TYW1B: variants seen among roughly 807,000 people sequenced by gnomAD.
The protein encoded by TYW1B is S-adenosyl-L-methionine-dependent tRNA 4-demethylwyosine synthase TYW1B.
Under a neutral mutation model 86.9 loss-of-function variants are expected in TYW1B, and 73 were observed. The observed-to-expected ratio is 0.84, with a 90% CI of 0.70 to 1.02. The LOEUF (loss-of-function observed/expected upper bound fraction) is 1.02, where lower values mean the gene tolerates loss of function less well. Among genes scored for constraint, TYW1B ranks in the 50% least tolerant of loss-of-function variants. The pLI is 0.00. For missense variants in TYW1B, 637 were observed against 827.4 expected, an observed-to-expected ratio of 0.77 and a Z score of 2.82; for synonymous variants, 248 against 292.8, an observed-to-expected ratio of 0.85 and a Z score of 1.56.
intron 5 of TYW1B, among the ~76,000 whole-genome samples, chr7:72,806,778 G>A (rs1182601983): frequency 2.0e-5 from 3 of 151,822 alleles, no homozygotes; most frequent in Non-Finnish European, 4.4e-5. Context: ...CACCTCCTAC[G>A]TAGCTGAGAC....
intron 11 of TYW1B, among the ~76,000 whole-genome samples, chr7:72,693,313 T>C (rs1174497767): frequency 6.6e-6 from 1 of 151,982 alleles, no homozygotes; most frequent in Non-Finnish European, 1.5e-5. Context: ...TGACATTCAA[T>C]GTGAACATTC....
intron 9 of TYW1B, among the ~76,000 whole-genome samples, chr7:72,720,885 C>G (rs1332095687): frequency 1.3e-5 from 2 of 151,176 alleles, no homozygotes; most frequent in African/African-American, 4.9e-5. Flanking sequence ...TCTCCTAATG[C>G]TATCCCTCCC....
At chr7:72,736,186 T>A (rs1193319313) in intron 8 of TYW1B, among the ~76,000 whole-genome samples, 2 of 152,158 alleles carry the variant, frequency 1.3e-5, no homozygotes, top group African/African-American at 4.8e-5. Flanking sequence ...ATTCTGTATT[T>A]GTCCCAATTG....
At chr7:72,827,205 C>T (rs1175293440) in intron 1 of TYW1B, among the ~76,000 whole-genome samples, 1 of 151,840 alleles carries the variant, frequency 6.6e-6, no homozygotes, top group Admixed American at 6.6e-5. Flanking sequence ...GTCAGGAGTT[C>T]GAGACCAGCC....
intron 13 of TYW1B, among the ~76,000 whole-genome samples, chr7:72,596,024 A>C (rs1342410728): frequency 3.3e-5 from 5 of 151,836 alleles, no homozygotes; most frequent in Non-Finnish European, 7.4e-5. Context: ...AAAAACACAA[A>C]AATTAGATGG....
intron 6 of TYW1B, among the ~76,000 whole-genome samples, chr7:72,788,644 T>C (rs1187653691): frequency 1.3e-5 from 2 of 151,878 alleles, no homozygotes. Flanking sequence ...GCGATTCTCC[T>C]GTCTCAACCT....
chr7:72,792,524 T>C (rs1259826717), intron 6 of TYW1B, among the ~76,000 whole-genome samples: 1 of 152,204 alleles, frequency 6.6e-6, no homozygotes, highest in Non-Finnish European at 1.5e-5. Context: ...CTCTCATTTC[T>C]CTTCTACAAT....
chr7:72,602,320 T>C (rs1585838993), intron 13 of TYW1B, among the ~76,000 whole-genome samples: 2 of 152,272 alleles, frequency 1.3e-5, no homozygotes, highest in African/African-American at 4.8e-5. Flanking sequence ...GGGAGCCAGG[T>C]CTCTCACTGT....
chr7:72,629,005 A>G lies in TYW1B; in HGVS notation c.1507-8T>C, dbSNP rs782303602. On this transcript the variant is annotated splice_region_variant and splice_polypyrimidine_tract_variant and intron_variant, in intron 11 of 13. Coordinates refer to ENST00000620995, the MANE Select transcript of TYW1B (RefSeq NM_001145440.3). Reference sequence around the variant, plus strand: ...GTAGACAGTTCGTTGTTGCTAAAACAAAGGAAAAGCCAACTTCGTTGTTAT... The same window carrying G: ...GTAGACAGTTCGTTGTTGCTAAAACGAAGGAAAAGCCAACTTCGTTGTTAT... 6.3e-7 allele frequency: 1 copy of G among 1,585,690 alleles called. No homozygotes were observed. The highest frequency in any genetic ancestry group is 1.2e-5 in the South Asian group (1 of 86,820).
intron 2 of TYW1B, among the ~76,000 whole-genome samples, chr7:72,823,633 A>G (rs548450524): frequency 6.6e-6 from 1 of 151,988 alleles, no homozygotes; most frequent in African/African-American, 2.4e-5. Flanking sequence ...AAATAAATAA[A>G]TAAAAAATAA....
intron 11 of TYW1B, among the ~76,000 whole-genome samples, chr7:72,688,010 A>C (rs1293283470): frequency 6.6e-6 from 1 of 152,178 alleles, no homozygotes; most frequent in Non-Finnish European, 1.5e-5. Flanking sequence ...AACAAAATGA[A>C]ATCACCATCT....
chr7:72,711,633 C>CTTA (rs1301191140), intron 10 of TYW1B, among the ~76,000 whole-genome samples: 35 of 150,512 alleles, frequency 2.3e-4, no homozygotes, highest in African/African-American at 6.6e-4. Flanking sequence ...CCATGCCTGG[C>CTTA]TTATTATTAT....
rs1812087180 is a variant in TYW1B, at chr7:72,616,786, C to A, written c.1671G>T (p.Val557=). 1.9e-6 allele frequency: 3 copies of A among 1,614,100 alleles called. No individual in the cohort carries two copies. In the African/African-American group the frequency reaches 4.0e-5, roughly 22 times the overall value. Residue 557 remains valine (V), a synonymous_variant, in exon 13 of 14, where the codon GTG becomes GTT. Transcript: ENST00000620995. ...ACTGTACCACTTCCTCATGCCAGGG[C>A]ACATGGGCCATGGTAAGACTGCTTG... ...SSASSLTMAH[V]PWHEEVVQFV... is the part of the protein sequence containing the mutation.
intron 11 of TYW1B, among the ~76,000 whole-genome samples, chr7:72,650,243 C>G (rs1378197975): frequency 6.6e-6 from 1 of 151,910 alleles, no homozygotes; most frequent in Non-Finnish European, 1.5e-5. Flanking sequence ...CAATTAACCT[C>G]CCTGTGCCGA....
chr7:72,790,194 C>T (rs1161067421), intron 6 of TYW1B, among the ~76,000 whole-genome samples: 3 of 152,000 alleles, frequency 2.0e-5, no homozygotes, highest in South Asian at 2.1e-4. Flanking sequence ...GATCCACCTG[C>T]CTCGGCCTCC....
chr7:72,723,855 T>TAA (rs1456125458), intron 9 of TYW1B, among the ~76,000 whole-genome samples: 1 of 152,018 alleles, frequency 6.6e-6, no homozygotes, highest in Non-Finnish European at 1.5e-5. Context: ...TAAAATTCTA[T>TAA]AATGCTGTCA....
intron 7 of TYW1B, among the ~76,000 whole-genome samples, chr7:72,759,227 C>T (rs183444536): frequency 3.9e-5 from 6 of 152,136 alleles, no homozygotes; most frequent in Admixed American, 6.5e-5. Context: ...CCCAACTACT[C>T]GGGAGGCTCA....
chr7:72,652,282 G>A (rs1158584286), intron 11 of TYW1B, among the ~76,000 whole-genome samples: 1 of 148,106 alleles, frequency 6.8e-6, no homozygotes, highest in African/African-American at 2.5e-5. Context: ...GGAGGCTGAG[G>A]CAGGAGAATG....
chr7:72,603,582 A>C (rs1159005653), intron 13 of TYW1B, among the ~76,000 whole-genome samples: 1 of 152,196 alleles, frequency 6.6e-6, no homozygotes, highest in Admixed American at 6.5e-5. Flanking sequence ...ATTTCCTCCC[A>C]AAGAGCACAG....
Sources: allele counts gnomAD v4.1 joint callset (sites outside exome capture counted in the v4.1 genomes callset), GRCh38; gene constraint gnomAD v4.1.1; transcripts MANE v1.5; gene names NCBI Gene and HGNC (gene_info 2026-07-23, HGNC 2026-07-21).